The following EDAR variants were observed in gnomAD, a reference collection of about 807,000 sequenced individuals.
The protein encoded by EDAR is tumor necrosis factor receptor superfamily member EDAR.
Under a neutral mutation model 51.3 loss-of-function variants are expected in EDAR, and 38 were observed. The observed-to-expected ratio is 0.74, with a 90% CI of 0.57 to 0.97. EDAR has a LOEUF of 0.97. EDAR is among the 50% of genes least tolerant of loss of function. The pLI is 0.00. For synonymous variants in EDAR, 227 were observed against 242.1 expected, an observed-to-expected ratio of 0.94 and a Z score of 0.58; for missense variants, 528 against 595.0, an observed-to-expected ratio of 0.89 and a Z score of 1.17.
At chr2:108,926,940 G>C (rs1206937934) in intron 4 of EDAR, among the ~76,000 whole-genome samples, 1 of 152,222 alleles carries the variant, frequency 6.6e-6, no homozygotes, top group Non-Finnish European at 1.5e-5. Context: ...TGACAGCCTC[G>C]TAAGAGGAAG....
Position 108,955,070 on chromosome 2 carries a change from T to C in EDAR, c.-18-24038A>G, listed in dbSNP as rs1262039107. 2.0e-5 allele frequency among the ~76,000 whole-genome samples: 3 copies of C among 152,230 alleles called. No homozygotes were observed. In the East Asian group the frequency reaches 5.8e-4, roughly 29 times the overall value. On this transcript the variant is annotated intron_variant, in intron 1 of 11. Coordinates refer to ENST00000258443, the MANE Select transcript of EDAR (RefSeq NM_022336.4). ...GGGAAGCGCTCACAACTAATTTTAA[T>C]AATAGCATTAAAGGGTAGTGATTAT... is the stretch of plus-strand genomic sequence containing the variant.
At chr2:108,917,131 TC>T (rs1281766328) in intron 5 of EDAR, among the ~76,000 whole-genome samples, 1 of 152,162 alleles carries the variant, frequency 6.6e-6, no homozygotes, top group Non-Finnish European at 1.5e-5. Flanking sequence ...GAGTCACAGC[TC>T]CGTGGCCGAC....
intron 6 of EDAR, among the ~76,000 whole-genome samples, chr2:108,912,102 G>A (rs1574373124): frequency 1.3e-5 from 2 of 152,186 alleles, no homozygotes; most frequent in Admixed American, 1.3e-4. Flanking sequence ...GAGGGCTCTG[G>A]AGGGTACCTC....
intron 1 of EDAR, among the ~76,000 whole-genome samples, chr2:108,935,082 T>C (rs1003211457): frequency 6.6e-6 from 1 of 152,244 alleles, no homozygotes; most frequent in Non-Finnish European, 1.5e-5. Context: ...AGAGACCGCA[T>C]GACCAGGTAA....
chr2:108,928,022 A>G (rs572908624), intron 4 of EDAR, among the ~76,000 whole-genome samples: 1 of 152,038 alleles, frequency 6.6e-6, no homozygotes, highest in East Asian at 1.9e-4. Context: ...CCCTGCCCAC[A>G]GCATCCCTGG....
In EDAR at chr2:108,910,450, T is replaced by A. The variant is rs772134818; in HGVS notation, c.803+10A>T. The A allele has an allele frequency of 6.2e-7, 1 of 1,611,960 alleles. No homozygotes were observed. Among genetic ancestry groups the A allele is most frequent in the African/African-American group, 1.3e-5 (1 of 74,940 alleles). ...CCAGCTTCAGCTTGGTGCTGGGGGC[T>A]TCCACATACCTCTTGGTGGGCTTTG... On this transcript the variant is annotated intron_variant, in intron 9 of 11. Coordinates refer to ENST00000258443, the MANE Select transcript of EDAR (RefSeq NM_022336.4).
At chr2:108,937,414 C>G (rs1317007308) in intron 1 of EDAR, among the ~76,000 whole-genome samples, 1 of 151,936 alleles carries the variant, frequency 6.6e-6, no homozygotes, top group East Asian at 1.9e-4. Context: ...CTGTGAGCAC[C>G]TATGTGTGAG....
intron 5 of EDAR, among the ~76,000 whole-genome samples, chr2:108,922,363 T>C (rs984917549): frequency 5.9e-5 from 9 of 152,212 alleles, no homozygotes. Context: ...CCTCCTCTAA[T>C]TTGTGAATTA....
At chr2:108,979,527 G>A (rs1259158009) in intron 1 of EDAR, among the ~76,000 whole-genome samples, 1 of 151,976 alleles carries the variant, frequency 6.6e-6, no homozygotes, top group Non-Finnish European at 1.5e-5. Context: ...GAGCTGAAGT[G>A]GGGGCTGGAG....
chr2:108,918,101 AAG>A (rs1697060469), intron 5 of EDAR, among the ~76,000 whole-genome samples: 2 of 152,192 alleles, frequency 1.3e-5, no homozygotes, highest in Admixed American at 6.5e-5. Context: ...TTAAAAGGAA[AAG>A]AGAGCGGTCT....
chr2:108,944,896 G>A (rs1328550030), intron 1 of EDAR, among the ~76,000 whole-genome samples: 2 of 152,188 alleles, frequency 1.3e-5, no homozygotes, highest in South Asian at 2.1e-4. Flanking sequence ...AACTGACGCC[G>A]GGGAGGTGCT....
At chr2:108,960,289 G>A (rs1018639352) in intron 1 of EDAR, among the ~76,000 whole-genome samples, 1 of 152,188 alleles carries the variant, frequency 6.6e-6, no homozygotes, top group Non-Finnish European at 1.5e-5. Context: ...GAGCTGGTTT[G>A]ACACTTTCCT....
intron 1 of EDAR, among the ~76,000 whole-genome samples, chr2:108,942,521 G>A (rs1488228066): frequency 1.3e-5 from 2 of 152,238 alleles, no homozygotes; most frequent in Admixed American, 1.3e-4. Flanking sequence ...GATGAACCAC[G>A]GCGACGGCAG....
intron 11 of EDAR, among the ~76,000 whole-genome samples, chr2:108,900,846 A>G: frequency 6.6e-6 from 1 of 152,226 alleles, no homozygotes. Context: ...CCAAGAAGAC[A>G]TAGCAATCCT....
At chr2:108,927,750 G>A (rs1329700090) in intron 4 of EDAR, among the ~76,000 whole-genome samples, 1 of 152,026 alleles carries the variant, frequency 6.6e-6, no homozygotes, top group Non-Finnish European at 1.5e-5. Flanking sequence ...TCTAGGTCTG[G>A]ATGTCCCATA....
At chr2:108,961,854 C>T (rs1698053659) in intron 1 of EDAR, among the ~76,000 whole-genome samples, 1 of 152,156 alleles carries the variant, frequency 6.6e-6, no homozygotes. Context: ...GGCCCCTGTG[C>T]TGGAAATGAA....
chr2:108,927,495 C>T (rs1284626251), intron 4 of EDAR, among the ~76,000 whole-genome samples: 1 of 152,218 alleles, frequency 6.6e-6, no homozygotes, highest in South Asian at 2.1e-4. Context: ...ACGTGGTCTT[C>T]AGGCCATAGA....
At chr2:108,902,733 A>T (rs1696726212) in intron 11 of EDAR, among the ~76,000 whole-genome samples, 1 of 152,238 alleles carries the variant, frequency 6.6e-6, no homozygotes, top group Non-Finnish European at 1.5e-5. Context: ...ATATTTAAAA[A>T]TTATTGTAAT....
intron 1 of EDAR, among the ~76,000 whole-genome samples, chr2:108,957,736 A>AC (rs774916210): frequency 2.0e-5 from 3 of 152,250 alleles, no homozygotes; most frequent in Admixed American, 6.5e-5. Flanking sequence ...GAGAAGCCTC[A>AC]CAATCCATGT....
Sources: allele counts gnomAD v4.1 joint callset (sites outside exome capture counted in the v4.1 genomes callset), GRCh38; gene constraint gnomAD v4.1.1; transcripts MANE v1.5; gene names NCBI Gene and HGNC (gene_info 2026-07-23, HGNC 2026-07-21).